Variants in RBFOX1 observed in about 807,000 individuals in gnomAD.
RBFOX1 encodes the protein RNA binding fox-1 homolog 1, also known as RNA binding protein fox-1 homolog 1.
A neutral mutation model predicts 57.7 loss-of-function variants in RBFOX1; 8 were observed. The observed-to-expected ratio is 0.14, with a 90% CI of 0.08 to 0.25. RBFOX1 has a LOEUF of 0.25. RBFOX1 is among the 10% of genes least tolerant of loss of function. The pLI is 1.00. For synonymous variants in RBFOX1, 326 were observed against 222.4 expected (o/e 1.47, Z -4.15); for missense variants, 611 against 548.5 (o/e 1.11, Z -1.14).
chr16:6,719,967 G>A (rs537318812), intron 3 of RBFOX1, among the ~76,000 whole-genome samples: 108 of 151,930 alleles, frequency 7.1e-4, no homozygotes, highest in South Asian at 4.4e-3. Context: ...GATGGCAGGC[G>A]TCTATAATCC....
At chr16:6,721,201 G>A (rs1324285287) in intron 3 of RBFOX1, among the ~76,000 whole-genome samples, 3 of 152,186 alleles carry the variant, frequency 2.0e-5, no homozygotes. Context: ...CCAGTACTTT[G>A]GAAGGCCAAG....
chr16:7,394,048 C>G (rs1168091776), intron 4 of RBFOX1, among the ~76,000 whole-genome samples: 2 of 151,768 alleles, frequency 1.3e-5, no homozygotes, highest in Non-Finnish European at 2.9e-5. Context: ...CCATCCTGGC[C>G]ACAATGGTGA....
chr16:5,367,783 A>G (rs868234298), intron 1 of RBFOX1, among the ~76,000 whole-genome samples: 4 of 152,182 alleles, frequency 2.6e-5, no homozygotes, highest in Admixed American at 2.0e-4. Flanking sequence ...TGCCTTGCCC[A>G]TGGTCCCACA....
At chr16:7,209,760 A>G (rs2090748004) in intron 4 of RBFOX1, among the ~76,000 whole-genome samples, 1 of 152,132 alleles carries the variant, frequency 6.6e-6, no homozygotes, top group South Asian at 2.1e-4. Context: ...CTGAGTCATC[A>G]TTGCCCAGGG....
intron 3 of RBFOX1, among the ~76,000 whole-genome samples, chr16:7,024,610 C>T (rs981015150): frequency 6.6e-6 from 1 of 152,122 alleles, no homozygotes; most frequent in African/African-American, 2.4e-5. Context: ...TGTGGGGTCG[C>T]CACTCCCCTG....
At chr16:7,641,386 T>C (rs890019993) in intron 11 of RBFOX1, among the ~76,000 whole-genome samples, 1 of 152,214 alleles carries the variant, frequency 6.6e-6, no homozygotes, top group African/African-American at 2.4e-5. Context: ...TAAATCATGT[T>C]TTTATATAAA....
chr16:7,119,874 A>T (rs976124189), intron 4 of RBFOX1, among the ~76,000 whole-genome samples: 1 of 152,144 alleles, frequency 6.6e-6, no homozygotes. Flanking sequence ...TGTGTAATCA[A>T]CACCATCCAA....
chr16:5,622,308 G>T (rs1212804209), intron 3 of RBFOX1, among the ~76,000 whole-genome samples: 1 of 152,130 alleles, frequency 6.6e-6, no homozygotes, highest in Non-Finnish European at 1.5e-5. Context: ...TCAAAATGGT[G>T]GGACATTAAT....
At chr16:6,504,906 A>T (rs1261930581) in intron 2 of RBFOX1, among the ~76,000 whole-genome samples, 1 of 152,042 alleles carries the variant, frequency 6.6e-6, no homozygotes, top group African/African-American at 2.4e-5. Flanking sequence ...TTACAAAAAA[A>T]AAAAAATTTT....
At chr16:5,373,331 A>T (rs1476544247) in intron 1 of RBFOX1, among the ~76,000 whole-genome samples, 3 of 152,074 alleles carry the variant, frequency 2.0e-5, no homozygotes, top group Non-Finnish European at 4.4e-5. Context: ...GTAATCCCTG[A>T]TGTTGGAGGA....
Position 6,654,592 on chromosome 16 carries a change from T to G in RBFOX1, c.-63-11T>G. 6.6e-7 allele frequency: 1 copy of G among 1,504,240 alleles called. No homozygotes were observed. The highest frequency in any genetic ancestry group is 8.8e-7 in the Non-Finnish European group (1 of 1,134,336). 93.2% of individuals were successfully genotyped at this position (1,504,240 alleles called of 1,614,324 possible). On this transcript the variant is annotated splice_polypyrimidine_tract_variant and intron_variant, in intron 2 of 15. Coordinates refer to ENST00000550418, the MANE Select transcript of RBFOX1 (RefSeq NM_018723.4). The stretch of plus-strand genomic sequence containing the variant: ...TTTCTCTCACTTTCCTTTCTTTTCT[T>G]CTCTTCTCAGGATATCAAAGCAGAC...
chr16:7,375,973 G>T (rs915539499), intron 4 of RBFOX1, among the ~76,000 whole-genome samples: 1 of 152,170 alleles, frequency 6.6e-6, no homozygotes, highest in Non-Finnish European at 1.5e-5. Context: ...GCCATTGGTA[G>T]GCCAAACCCC....
chr16:6,407,006 G>C (rs937911438), intron 2 of RBFOX1, among the ~76,000 whole-genome samples: 1 of 152,130 alleles, frequency 6.6e-6, no homozygotes, highest in Non-Finnish European at 1.5e-5. Context: ...AGGTCCCAAT[G>C]AGATAAACTC....
In RBFOX1 at chr16:7,077,901, C is replaced by T. The variant is rs147879960; in HGVS notation, c.27+25803C>T. On this transcript the variant is annotated intron_variant, in intron 4 of 15. Coordinates refer to ENST00000550418, the MANE Select transcript of RBFOX1 (RefSeq NM_018723.4). ...CCCTTTTAAGCAACTTGAGATTGTG[C>T]TTTTATTGAGGAGCCAAAATGTTTG... Among the ~76,000 whole-genome samples, 173 of 152,240 alleles carry T rather than the reference C, an allele frequency of 1.1e-3. 1 individual carries two copies. Among genetic ancestry groups the T allele is most frequent in the African/African-American group, 4.0e-3 (168 of 41,544 alleles).
At chr16:6,490,790 C>A (rs541340450) in intron 2 of RBFOX1, among the ~76,000 whole-genome samples, 1 of 152,138 alleles carries the variant, frequency 6.6e-6, no homozygotes, top group Non-Finnish European at 1.5e-5. Flanking sequence ...CATTACTGTT[C>A]TTTATATTTC....
At chr16:5,602,435 A>G (rs2047396786), downstream of RBFOX1, among the ~76,000 whole-genome samples, 1 of 152,192 alleles carries the variant, frequency 6.6e-6, no homozygotes, top group Admixed American at 6.5e-5. Context: ...AGTTTAAGTC[A>G]ATTGTGTATA....
intron 3 of RBFOX1, among the ~76,000 whole-genome samples, chr16:6,990,578 A>C (rs1383928140): frequency 4.6e-5 from 7 of 152,150 alleles, no homozygotes; most frequent in Admixed American, 3.9e-4. Flanking sequence ...ACTGTGTCCC[A>C]TAAAATATAT....
At chr16:5,543,904 C>A (rs923094068) in intron 2 of RBFOX1, among the ~76,000 whole-genome samples, 1 of 152,066 alleles carries the variant, frequency 6.6e-6, no homozygotes, top group African/African-American at 2.4e-5. Context: ...AATAAAAACA[C>A]TAATGTAAGT....
chr16:6,721,703 A>T (rs976754186), intron 3 of RBFOX1: 2 of 152,014 alleles, frequency 1.3e-5, no homozygotes, highest in Admixed American at 6.6e-5. Flanking sequence ...TCTTTTTGTG[A>T]CTGTCTTATT....
Sources: allele counts gnomAD v4.1 joint callset (sites outside exome capture counted in the v4.1 genomes callset), GRCh38; gene constraint gnomAD v4.1.1; transcripts MANE v1.5; gene names NCBI Gene and HGNC (gene_info 2026-07-23, HGNC 2026-07-21).